The following EML6 variants were observed in gnomAD, a reference collection of about 807,000 sequenced individuals.
EML6 encodes the protein echinoderm microtubule-associated protein-like 6.
Under a neutral mutation model 240.1 loss-of-function variants are expected in EML6, and 154 were observed. The observed-to-expected ratio is 0.64, with a 90% confidence interval of 0.56 to 0.73. The LOEUF (loss-of-function observed/expected upper bound fraction) is 0.73. Ranked by LOEUF, EML6 falls within the 30% of genes least tolerant of loss-of-function variation. EML6 has a pLI of 0.00. For synonymous variants in EML6, 1,148 were observed against 899.0 expected (o/e 1.28, Z -4.95); for missense variants, 2,964 against 2,474.6 (o/e 1.20, Z -4.20).
At chr2:54,728,913 T>TGCCTCACAGTGGAATGATTCATCTTCCCC (rs1463686352) in intron 2 of EML6, among the ~76,000 whole-genome samples, 7 of 152,192 alleles carry the variant, frequency 4.6e-5, no homozygotes, top group African/African-American at 1.7e-4. Flanking sequence ...TGTTCTTCCC[T>TGCCTCACAGTGGAATGATTCATCTTCCCC]GCCTCACAGT....
At chr2:54,779,033 C>T (rs1041129982) in intron 2 of EML6, among the ~76,000 whole-genome samples, 5 of 151,990 alleles carry the variant, frequency 3.3e-5, no homozygotes, top group Non-Finnish European at 7.4e-5. Flanking sequence ...TGAGAAATGA[C>T]AGAGCTTCAG....
chr2:54,911,134 G>C (rs1673617869), intron 25 of EML6, 92 bp downstream of exon 25: 1 of 654,846 alleles, frequency 1.5e-6, no homozygotes, highest in Non-Finnish European at 2.7e-6. Flanking sequence ...CACTAATATG[G>C]GTTATATTTA....
At chr2:54,744,713 G>T (rs909814289) in intron 2 of EML6, among the ~76,000 whole-genome samples, 5 of 151,954 alleles carry the variant, frequency 3.3e-5, no homozygotes, top group Admixed American at 3.3e-4. Context: ...GGACCGAGGA[G>T]GAGGATTGGG....
rs1389224411 is a variant in EML6 at position 54,891,059 on chromosome 2, A to G, written c.2444A>G (p.His815Arg). The G allele has an allele frequency of 2.1e-6, 3 of 1,454,600 alleles. No homozygotes were observed. Among genetic ancestry groups the G allele is most frequent in the African/African-American group, 1.4e-5 (1 of 71,664 alleles). 90.1% of individuals were successfully genotyped at this position (1,454,600 alleles called of 1,614,324 possible). A position where few individuals can be genotyped will look rare whatever the true frequency, so the allele number is the denominator to read the frequency against. ...KGEKIATTRG[H>R]KDKIFVVKCN... is the part of the protein sequence containing the mutation. The stretch of plus-strand genomic sequence containing the variant: ...TTCCTATTTGTCTCTTACAGAGGAC[A>G]TAAAGATAAGATATTTGTGGTAAAG... The change falls in exon 18 of 42, where the codon CAT (histidine) becomes CGT (arginine). Residue 815 changes from histidine (H) to arginine (R), a missense_variant. His to Arg is a conservative substitution (Grantham distance 29). Transcript: ENST00000356458.
intron 26 of EML6, among the ~76,000 whole-genome samples, chr2:54,925,830 C>T (rs1291202651): frequency 1.3e-5 from 2 of 152,196 alleles, no homozygotes; most frequent in Non-Finnish European, 1.5e-5. Context: ...CCTCCCTTCC[C>T]TTCCGAACCT....
At chr2:54,941,394 G>C (rs1044805834) in intron 28 of EML6, among the ~76,000 whole-genome samples, 5 of 152,154 alleles carry the variant, frequency 3.3e-5, no homozygotes, top group Admixed American at 2.6e-4. Context: ...ATGGTGAAGT[G>C]GCACAGTGTC....
At chr2:54,912,927 T>C (rs1331587406) in intron 25 of EML6, among the ~76,000 whole-genome samples, 1 of 152,216 alleles carries the variant, frequency 6.6e-6, no homozygotes, top group Non-Finnish European at 1.5e-5. Flanking sequence ...ATGTACCCAG[T>C]AATGGTATTG....
At chr2:54,847,769 G>GT (rs1669849914) in intron 9 of EML6, 146 bp downstream of exon 9, 2 of 920,450 alleles carry the variant, frequency 2.2e-6, no homozygotes, top group Non-Finnish European at 3.2e-6. Context: ...TCCCCTATCT[G>GT]TAATTCTGAA....
chr2:54,937,980 C>G (rs1675236239), intron 28 of EML6, among the ~76,000 whole-genome samples: 2 of 152,228 alleles, frequency 1.3e-5, no homozygotes, highest in Non-Finnish European at 2.9e-5. Context: ...AATCCCACTT[C>G]TGACACCAAT....
chr2:54,938,084 G>A (rs552473731), intron 28 of EML6, among the ~76,000 whole-genome samples: 11 of 152,322 alleles, frequency 7.2e-5, no homozygotes, highest in South Asian at 4.1e-4. Flanking sequence ...TGTGGCTCAC[G>A]CCTGTAATCC....
At chr2:54,780,211 A>G (rs1668792471) in intron 2 of EML6, among the ~76,000 whole-genome samples, 1 of 152,236 alleles carries the variant, frequency 6.6e-6, no homozygotes, top group East Asian at 1.9e-4. Context: ...CTTTTTACCC[A>G]TTAGTATAAT....
intron 18 of EML6, among the ~76,000 whole-genome samples, chr2:54,892,055 TTTGC>T (rs3038259): frequency 0.14 from 21,573 of 152,172 alleles, 1,919 homozygotes; most frequent in South Asian, 0.27. Flanking sequence ...TCATGAAGAC[TTTGC>T]TTGCTCCTTC....
At chr2:54,841,791 C>G (rs1443812326) in intron 7 of EML6, among the ~76,000 whole-genome samples, 1 of 151,430 alleles carries the variant, frequency 6.6e-6, no homozygotes, top group Non-Finnish European at 1.5e-5. Flanking sequence ...CGGGATTTCA[C>G]CATGTTGGCC....
chr2:54,931,499 G>C (rs1183375483), intron 28 of EML6, among the ~76,000 whole-genome samples: 1 of 152,200 alleles, frequency 6.6e-6, no homozygotes, highest in African/African-American at 2.4e-5. Context: ...GGCAGCAGTG[G>C]CCAGCTTCTC....
intron 26 of EML6, among the ~76,000 whole-genome samples, chr2:54,926,041 C>G (rs369564830): frequency 1.3e-5 from 2 of 152,296 alleles, no homozygotes; most frequent in East Asian, 3.9e-4. Flanking sequence ...GCACAGCTTT[C>G]ACGAGATTCT....
At chr2:54,842,509 A>G (rs1257978402) in intron 7 of EML6, among the ~76,000 whole-genome samples, 1 of 152,164 alleles carries the variant, frequency 6.6e-6, no homozygotes, top group African/African-American at 2.4e-5. Context: ...GAATACTCCT[A>G]TGTCTAGCCA....
At chr2:54,875,489 CT>C in intron 16 of EML6, among the ~76,000 whole-genome samples, 1 of 152,300 alleles carries the variant, frequency 6.6e-6, no homozygotes, top group Middle Eastern at 3.4e-3. Context: ...TGGACACCTA[CT>C]GATAGCGTGC....
chr2:54,845,804 C>G (rs2103698501), intron 8 of EML6, among the ~76,000 whole-genome samples: 1 of 152,258 alleles, frequency 6.6e-6, no homozygotes, highest in African/African-American at 2.4e-5. Context: ...TGTGCCCCAT[C>G]CCTTCTGATG....
intron 2 of EML6, among the ~76,000 whole-genome samples, chr2:54,787,039 CT>C (rs1669130186): frequency 6.6e-6 from 1 of 152,086 alleles, no homozygotes; most frequent in South Asian, 2.1e-4. Flanking sequence ...GACTTAGGTT[CT>C]TTTTGAAAGA....
Sources: allele counts gnomAD v4.1 joint callset (sites outside exome capture counted in the v4.1 genomes callset), GRCh38; gene constraint gnomAD v4.1.1; transcripts MANE v1.5; gene names NCBI Gene and HGNC (gene_info 2026-07-23, HGNC 2026-07-21).